Variants in GOLM2 observed in about 807,000 individuals in gnomAD.
GOLM2 encodes the protein golgi membrane protein 2, also known as protein GOLM2.
Under a neutral mutation model 55.9 loss-of-function variants are expected in GOLM2, and 26 were observed. That is an observed-to-expected ratio of 0.47 (90% confidence interval 0.34 to 0.65). GOLM2 has a LOEUF of 0.65. Among genes scored for constraint, GOLM2 ranks in the 30% least tolerant of loss-of-function variants. GOLM2 has a pLI of 0.01. For missense variants in GOLM2, 486 were observed against 531.8 expected (o/e 0.91, Z 0.85); for synonymous variants, 165 against 194.6 (o/e 0.85, Z 1.27).
At chr15:44,343,035 A>G (rs1305681416) in intron 6 of GOLM2, among the ~76,000 whole-genome samples, 1 of 152,182 alleles carries the variant, frequency 6.6e-6, no homozygotes, top group Non-Finnish European at 1.5e-5. Context: ...AGTGCTATAT[A>G]TATCTTAGTT....
chr15:44,333,224 G>A (rs995752755), intron 4 of GOLM2, among the ~76,000 whole-genome samples: 8 of 152,086 alleles, frequency 5.3e-5, no homozygotes, highest in Non-Finnish European at 1.0e-4. Context: ...GAGCCACCGC[G>A]CACAGCCAAT....
At chr15:44,325,244 C>T (rs776565184) in intron 2 of GOLM2, among the ~76,000 whole-genome samples, 1 of 152,174 alleles carries the variant, frequency 6.6e-6, no homozygotes, top group African/African-American at 2.4e-5. Flanking sequence ...CACTGGAAAT[C>T]ACCAATTACC....
chr15:44,342,795 G>A (rs2079098212), intron 6 of GOLM2, among the ~76,000 whole-genome samples: 1 of 152,168 alleles, frequency 6.6e-6, no homozygotes, highest in Non-Finnish European at 1.5e-5. Flanking sequence ...CTTGCATATA[G>A]CAGGGTCCCA....
rs139190326 is a variant in GOLM2, at chr15:44,372,504, C to T, written c.803-7186C>T. Among the ~76,000 whole-genome samples, 462 of 152,312 alleles carry T rather than the reference C, an allele frequency of 3.0e-3. 1 individual carries two copies. The highest frequency in any genetic ancestry group is 4.9e-3 in the Non-Finnish European group (333 of 68,024). Reference sequence around the variant, plus strand: ...GAAGTAGAGGACGATTAATCCTAAACCACCTGTCATCTTTGTAAGCATCTT... The same window carrying T: ...GAAGTAGAGGACGATTAATCCTAAATCACCTGTCATCTTTGTAAGCATCTT... On this transcript the variant is annotated intron_variant, in intron 6 of 9. Coordinates refer to ENST00000299957, the MANE Select transcript of GOLM2 (RefSeq NM_138423.4).
At chr15:44,366,453 A>C (rs1327051682) in intron 6 of GOLM2, among the ~76,000 whole-genome samples, 1 of 151,726 alleles carries the variant, frequency 6.6e-6, no homozygotes, top group Non-Finnish European at 1.5e-5. Flanking sequence ...ACCAGTCTGG[A>C]CAACATAATA....
At chr15:44,399,769 C>T (rs892628462) in intron 8 of GOLM2, among the ~76,000 whole-genome samples, 3 of 151,926 alleles carry the variant, frequency 2.0e-5, no homozygotes, top group Non-Finnish European at 2.9e-5. Context: ...CCGAGGCGGG[C>T]GGATCACCTG....
chr15:44,349,599 C>A (rs1278895472), intron 6 of GOLM2, among the ~76,000 whole-genome samples: 1 of 152,012 alleles, frequency 6.6e-6, no homozygotes, highest in Non-Finnish European at 1.5e-5. Flanking sequence ...AGAAAATCAA[C>A]AAAGAAACAT....
At chr15:44,304,286 G>C (rs2078820811) in intron 1 of GOLM2, among the ~76,000 whole-genome samples, 1 of 128,034 alleles carries the variant, frequency 7.8e-6, no homozygotes, top group Non-Finnish European at 1.6e-5. Flanking sequence ...CTTGTGTCAA[G>C]GCTGGAGTGC....
At chr15:44,405,352 T>C (rs1160317810) in intron 9 of GOLM2, 1 of 152,232 alleles carries the variant, frequency 6.6e-6, no homozygotes, top group Non-Finnish European at 1.5e-5. Context: ...CCATTTAACA[T>C]TTCTTGTCTC....
chr15:44,321,591 T>C (rs2078950184), intron 1 of GOLM2, among the ~76,000 whole-genome samples: 1 of 152,064 alleles, frequency 6.6e-6, no homozygotes, highest in South Asian at 2.1e-4. Flanking sequence ...TAAAATGACA[T>C]AGAGCTATAC....
chr15:44,354,472 A>C (rs1044749349), intron 6 of GOLM2, among the ~76,000 whole-genome samples: 7 of 151,358 alleles, frequency 4.6e-5, no homozygotes, highest in Non-Finnish European at 1.0e-4. Context: ...AAAATAAATA[A>C]ATAAAATAAA....
chr15:44,369,067 T>TTATATATATATATATA (rs58317520), intron 6 of GOLM2, among the ~76,000 whole-genome samples: 1 of 22,978 alleles, frequency 4.4e-5, no homozygotes, highest in Non-Finnish European at 8.1e-5. Context: ...ATAGGATATA[T>TTATATATATATATATA]TATATATATA....
At chr15:44,405,363 A>T (rs2079590627) in intron 9 of GOLM2, 1 of 152,210 alleles carries the variant, frequency 6.6e-6, no homozygotes, top group South Asian at 2.1e-4. Context: ...TTCTTGTCTC[A>T]TTCTGGCATT....
intron 8 of GOLM2, among the ~76,000 whole-genome samples, chr15:44,393,727 T>C (rs187175632): frequency 1.3e-5 from 2 of 152,320 alleles, no homozygotes; most frequent in Admixed American, 6.5e-5. Context: ...TTCAAGCGTT[T>C]GTCGCCCAGG....
At chr15:44,387,047 C>T (rs1595662317) in intron 8 of GOLM2, among the ~76,000 whole-genome samples, 2 of 149,480 alleles carry the variant, frequency 1.3e-5, no homozygotes, top group East Asian at 4.0e-4. Flanking sequence ...TGGTGGCATG[C>T]ACCTGTAGTC....
intron 1 of GOLM2, among the ~76,000 whole-genome samples, chr15:44,309,510 G>A (rs1011702710): frequency 6.6e-6 from 1 of 152,096 alleles, no homozygotes; most frequent in Admixed American, 6.6e-5. Flanking sequence ...AAAATTCTAT[G>A]AGATTCCCAA....
In GOLM2 at chr15:44,288,790, G is replaced by A. The variant is rs2078697756; in HGVS notation, c.-240G>A. The A allele has an allele frequency of 1.9e-6, 1 of 535,310 alleles. No homozygotes were observed. 33.2% of individuals were successfully genotyped at this position (535,310 alleles called of 1,614,324 possible). ...TGGGTTCTCCCGGTTCCCTTGGGCA[G>A]GTGCAGGGTCGGGTTCAAAGCCTCC... On this transcript the variant is annotated 5_prime_UTR_variant, in exon 1 of 10. Coordinates refer to ENST00000299957, the MANE Select transcript of GOLM2 (RefSeq NM_138423.4).
chr15:44,351,609 CAAAG>C (rs1391977306), intron 6 of GOLM2, among the ~76,000 whole-genome samples: 6 of 120,330 alleles, frequency 5.0e-5, no homozygotes, highest in South Asian at 2.7e-4. Context: ...CACAGACAAA[CAAAG>C]AACATCAAAA....
intron 6 of GOLM2, among the ~76,000 whole-genome samples, chr15:44,346,495 A>T (rs1567031489): frequency 6.6e-6 from 1 of 152,200 alleles, no homozygotes; most frequent in South Asian, 2.1e-4. Flanking sequence ...TGCAGTAGCC[A>T]TTGGTCACAT....
Sources: gnomAD v4.1 joint callset for allele counts (sites outside exome capture counted in the v4.1 genomes callset) on GRCh38, gnomAD v4.1.1 for gene constraint, MANE v1.5 for transcripts, NCBI Gene and HGNC (gene_info 2026-07-23, HGNC 2026-07-21) for gene names.